The following GSG1L variants were observed in gnomAD, a reference collection of about 807,000 sequenced individuals.
GSG1L encodes the protein germ cell-specific gene 1-like protein.
GSG1L carries 24 observed loss-of-function variants against 42.1 expected under a neutral mutation model. That is an observed-to-expected ratio of 0.57 (90% CI 0.41 to 0.80). The LOEUF (loss-of-function observed/expected upper bound fraction) is 0.80, where lower values mean the gene tolerates loss of function less well. Among genes scored for constraint, GSG1L ranks in the 30% least tolerant of loss-of-function variants. The pLI is 0.00. For missense variants in GSG1L, 445 were observed against 472.2 expected, an observed-to-expected ratio of 0.94 and a Z score of 0.53; for synonymous variants, 215 against 203.5, an observed-to-expected ratio of 1.06 and a Z score of -0.48.
At chr16:28,008,259 T>G (rs755577337) in intron 1 of GSG1L, among the ~76,000 whole-genome samples, 21 of 152,166 alleles carry the variant, frequency 1.4e-4, no homozygotes, top group Non-Finnish European at 3.1e-4. Context: ...TTTGTATTTT[T>G]GGTAGAGACA....
In GSG1L at chr16:27,817,339, G is replaced by T. The variant is rs893065100; in HGVS notation, c.831-9785C>A. The stretch of plus-strand genomic sequence containing the variant: ...TTCTCCACCCTATATGGTTCCATCT[G>T]TGCCATCCTCAAGGCCAGCCCCTCT... On this transcript the variant is annotated intron_variant, in intron 5 of 6. Coordinates refer to ENST00000447459, the MANE Select transcript of GSG1L (RefSeq NM_001109763.2). Among the ~76,000 whole-genome samples the T allele has an allele frequency of 2.0e-5, 3 of 152,152 alleles. No individual in the cohort carries two copies. In the East Asian group the frequency reaches 5.8e-4, roughly 29 times the overall value.
intron 2 of GSG1L, among the ~76,000 whole-genome samples, chr16:27,961,362 T>C (rs985931987): frequency 6.6e-6 from 1 of 151,578 alleles, no homozygotes; most frequent in Non-Finnish European, 1.5e-5. Context: ...TCCAAGGCCT[T>C]GGGAATTATG....
rs1289313065 is a variant in GSG1L, at chr16:27,865,566, TATATATACAC to T, written c.550+18910_550+18919del. 8.1e-3 allele frequency among the ~76,000 whole-genome samples: 155 copies of T among 19,140 alleles called. 10 individuals are homozygous for T. The highest frequency in any genetic ancestry group is 0.037 in the African/African-American group (84 of 2,284). 12.6% of individuals were successfully genotyped at this position (19,140 alleles called of 152,430 possible). A position where few individuals can be genotyped will look rare whatever the true frequency, so the allele number is the denominator to read the frequency against. On this transcript the variant is annotated intron_variant, in intron 3 of 6. Transcript: ENST00000447459. Reference sequence around the variant, plus strand: ...ATATATATATATATATATATATATATATATATACACACACACATACATACATACACACACA... The same window carrying T: ...ATATATATATATATATATATATATATACACACATACATACATACACACACA...
intron 1 of GSG1L, among the ~76,000 whole-genome samples, chr16:27,966,199 T>A (rs2085131321): frequency 6.6e-6 from 1 of 152,240 alleles, no homozygotes; most frequent in East Asian, 1.9e-4. Flanking sequence ...CTATCTAAAA[T>A]TCCAAATGTC....
chr16:27,858,270 C>T (rs988417654), intron 3 of GSG1L, among the ~76,000 whole-genome samples: 2 of 152,314 alleles, frequency 1.3e-5, no homozygotes, highest in Admixed American at 6.5e-5. Context: ...TCTCTTTACC[C>T]CGGGCACTTT....
intron 1 of GSG1L, among the ~76,000 whole-genome samples, chr16:28,008,383 C>T (rs2085670618): frequency 6.6e-6 from 1 of 151,900 alleles, no homozygotes; most frequent in South Asian, 2.1e-4. Context: ...CCTGGCAAAA[C>T]TCTATGTTTA....
chr16:27,888,937 GATA>G lies in GSG1L; in HGVS notation c.398-4302_398-4300del, dbSNP rs2084089454. Among the ~76,000 whole-genome samples, 5 of 100,882 alleles carry G rather than the reference GATA, an allele frequency of 5.0e-5. No individual in the cohort carries two copies. In the South Asian group the frequency reaches 1.5e-3, roughly 30 times the overall value. 66.2% of individuals were successfully genotyped at this position (100,882 alleles called of 152,430 possible). ...GCTGGCTTGTGCTTAGATAGATATA[GATA>G]TAGATATAGATATAGATATAGATAT... On this transcript the variant is annotated intron_variant, in intron 2 of 6. Transcript: ENST00000447459.
chr16:28,054,181 C>T (rs1269563424), intron 1 of GSG1L, among the ~76,000 whole-genome samples: 3 of 152,188 alleles, frequency 2.0e-5, no homozygotes, highest in Non-Finnish European at 2.9e-5. Context: ...AAGGCTGCCA[C>T]GGCCACTGTC....
chr16:28,060,998 G>T (rs997585936), intron 1 of GSG1L, among the ~76,000 whole-genome samples: 6 of 152,304 alleles, frequency 3.9e-5, no homozygotes, highest in African/African-American at 1.4e-4. Flanking sequence ...CAATTAAGAG[G>T]CTCAGCTGAG....
intron 1 of GSG1L, among the ~76,000 whole-genome samples, chr16:28,039,724 C>A (rs1453298660): frequency 2.6e-5 from 4 of 151,316 alleles, no homozygotes; most frequent in African/African-American, 9.7e-5. Flanking sequence ...ACATGCACAT[C>A]CCCACACATG....
intron 4 of GSG1L, among the ~76,000 whole-genome samples, chr16:27,830,302 G>A (rs2083261306): frequency 6.6e-6 from 1 of 152,046 alleles, no homozygotes; most frequent in South Asian, 2.1e-4. Context: ...TTTCCTGGGA[G>A]CTCCAGGCCT....
intron 1 of GSG1L, among the ~76,000 whole-genome samples, chr16:28,052,265 C>G (rs975740129): frequency 1.3e-5 from 2 of 151,860 alleles, no homozygotes; most frequent in African/African-American, 4.8e-5. Flanking sequence ...TCAGTGTTCC[C>G]TGGTTTCTAC....
chr16:27,842,475 G>C (rs73519007), intron 4 of GSG1L, among the ~76,000 whole-genome samples: 4,927 of 152,224 alleles, frequency 0.032, 285 homozygotes, highest in African/African-American at 0.11. Flanking sequence ...GCACATCAGC[G>C]CTCAGTAAAT....
In GSG1L at chr16:27,972,812, G is replaced by C. The variant is rs146367729; in HGVS notation, c.350-9609C>G. Among the ~76,000 whole-genome samples, 413 of 152,314 alleles carry C rather than the reference G, an allele frequency of 2.7e-3. 3 individuals are homozygous for C. Among genetic ancestry groups the C allele is most frequent in the African/African-American group, 9.3e-3 (386 of 41,576 alleles). ...TATCTTAGCGTTTTAAAAGCTCCCA[G>C]GTGATTCCAATGTACACTCAGGGTG... On this transcript the variant is annotated intron_variant, in intron 1 of 6. Coordinates refer to ENST00000447459, the MANE Select transcript of GSG1L (RefSeq NM_001109763.2).
rs149974012 is a variant in GSG1L at position 27,981,608 on chromosome 16, T to G, written c.350-18405A>C. Among the ~76,000 whole-genome samples, 994 of 152,278 alleles carry G rather than the reference T, an allele frequency of 6.5e-3. 4 individuals carry two copies. The highest frequency in any genetic ancestry group is 0.011 in the Non-Finnish European group (756 of 68,018). Reference sequence around the variant, plus strand: ...TTTTGATTTATTTATCTCTTACAGATGGTACCATGCCTTGATTTCTGGCAG... The same window carrying G: ...TTTTGATTTATTTATCTCTTACAGAGGGTACCATGCCTTGATTTCTGGCAG... On this transcript the variant is annotated intron_variant, in intron 1 of 6. Transcript: ENST00000447459.
intron 2 of GSG1L, among the ~76,000 whole-genome samples, chr16:27,888,941 T>TAGATATAGATATAGATAA (rs2084089842): frequency 1.3e-5 from 2 of 150,192 alleles, no homozygotes; most frequent in Admixed American, 1.3e-4. Flanking sequence ...GATATAGATA[T>TAGATATAGATATAGATAA]AGATATAGAT....
chr16:27,828,128 T>C (rs2083234359), intron 5 of GSG1L, among the ~76,000 whole-genome samples: 1 of 151,956 alleles, frequency 6.6e-6, no homozygotes, highest in Non-Finnish European at 1.5e-5. Flanking sequence ...GATCCATCCA[T>C]TCATCCAGCC....
At chr16:27,944,643 C>T (rs1285591479) in intron 2 of GSG1L, among the ~76,000 whole-genome samples, 1 of 149,126 alleles carries the variant, frequency 6.7e-6, no homozygotes, top group Non-Finnish European at 1.5e-5. Context: ...AAAAGGAAGA[C>T]GTGAAGTACT....
intron 5 of GSG1L, among the ~76,000 whole-genome samples, chr16:27,825,244 C>T (rs2083196754): frequency 6.6e-6 from 1 of 152,182 alleles, no homozygotes; most frequent in Non-Finnish European, 1.5e-5. Flanking sequence ...CTAGTAGGTG[C>T]CTGGCCCAAT....
Sources: allele counts gnomAD v4.1 joint callset (sites outside exome capture counted in the v4.1 genomes callset), GRCh38; gene constraint gnomAD v4.1.1; transcripts MANE v1.5; gene names NCBI Gene and HGNC (gene_info 2026-07-23, HGNC 2026-07-21).